NAALADL2: variants seen among roughly 807,000 people sequenced by gnomAD.
The protein encoded by NAALADL2 is inactive N-acetylated-alpha-linked acidic dipeptidase-like protein 2.
Under a neutral mutation model 87.2 loss-of-function variants are expected in NAALADL2, and 76 were observed. The ratio of observed to expected loss-of-function variants is 0.87; its 90% CI spans 0.72 to 1.05. The LOEUF is 1.05. NAALADL2 is among the 50% of genes least tolerant of loss of function. The probability of loss-of-function intolerance (pLI) is 0.00; values close to 1 mark genes in which losing one functional copy is unlikely to be tolerated. For missense variants in NAALADL2, 1,089 were observed against 945.8 expected, an observed-to-expected ratio of 1.15 and a Z score of -1.99; for synonymous variants, 354 against 331.0, an observed-to-expected ratio of 1.07 and a Z score of -0.75.
chr3:175,706,130 T>C (rs142818223), intron 11 of NAALADL2, among the ~76,000 whole-genome samples: 1 of 152,196 alleles, frequency 6.6e-6, no homozygotes, highest in Non-Finnish European at 1.5e-5. Context: ...TGGGAAGAGA[T>C]ACACTACACA....
chr3:174,670,622 TATC>T (rs1285907781), intron 2 of NAALADL2, among the ~76,000 whole-genome samples: 1 of 151,966 alleles, frequency 6.6e-6, no homozygotes, highest in Non-Finnish European at 1.5e-5. Context: ...GATAATGAGT[TATC>T]ATCAAGTCTT....
intron 1 of NAALADL2, among the ~76,000 whole-genome samples, chr3:174,447,563 A>G (rs896700230): frequency 2.0e-5 from 3 of 152,180 alleles, no homozygotes. Flanking sequence ...AACGCCTGTA[A>G]TCCCAGCACT....
chr3:174,688,611 C>G (rs1728267734), intron 2 of NAALADL2, among the ~76,000 whole-genome samples: 1 of 151,854 alleles, frequency 6.6e-6, no homozygotes, highest in Non-Finnish European at 1.5e-5. Context: ...TGAGAAATTG[C>G]AATAAATATT....
intron 5 of NAALADL2, among the ~76,000 whole-genome samples, chr3:175,350,799 TG>T (rs1311601199): frequency 3.9e-5 from 6 of 152,154 alleles, no homozygotes; most frequent in Admixed American, 2.6e-4. Context: ...CAATGGCCTC[TG>T]GGGAAATGTG....
At chr3:175,331,687 T>A (rs1341865159) in intron 5 of NAALADL2, among the ~76,000 whole-genome samples, 2 of 152,136 alleles carry the variant, frequency 1.3e-5, no homozygotes, top group Admixed American at 1.3e-4. Flanking sequence ...TTGTGAGAAC[T>A]GGAAAAAGAC....
chr3:174,974,333 T>C (rs1744081082), intron 1 of NAALADL2, among the ~76,000 whole-genome samples: 1 of 152,206 alleles, frequency 6.6e-6, no homozygotes, highest in African/African-American at 2.4e-5. Context: ...CAATTTTCTT[T>C]TAATTGTTTT....
intron 3 of NAALADL2, among the ~76,000 whole-genome samples, chr3:174,771,461 A>G (rs1034035716): frequency 1.3e-5 from 2 of 152,152 alleles, no homozygotes; most frequent in Non-Finnish European, 2.9e-5. Flanking sequence ...AGGGAGGGTA[A>G]TGTGCTGAGG....
intron 1 of NAALADL2, among the ~76,000 whole-genome samples, chr3:174,878,654 A>G (rs1018852785): frequency 2.6e-5 from 4 of 152,004 alleles, no homozygotes; most frequent in Non-Finnish European, 4.4e-5. Context: ...AGTAAGCTCA[A>G]TATCTGTTCT....
Position 174,974,495 on chromosome 3 carries a change from A to G in NAALADL2, c.43+115045A>G, listed in dbSNP as rs143495406. On this transcript the variant is annotated intron_variant, in intron 1 of 13. Transcript: ENST00000454872. ...TTAAGTAGACATGTTAATACTTTTC[A>G]TGTCAACTAAGGATATTAAATGAGA... Among the ~76,000 whole-genome samples, 525 of 152,290 alleles carry G rather than the reference A, an allele frequency of 3.4e-3. 2 individuals are homozygous for G. Among genetic ancestry groups the G allele is most frequent in the South Asian group, 6.2e-3 (30 of 4,824 alleles).
At chr3:175,103,543 T>A (rs182375879) in intron 2 of NAALADL2, among the ~76,000 whole-genome samples, 8 of 152,062 alleles carry the variant, frequency 5.3e-5, no homozygotes, top group Non-Finnish European at 1.2e-4. Context: ...ATCATAGCAC[T>A]CTTTATCATT....
chr3:175,648,818 A>G (rs940763738), intron 11 of NAALADL2, among the ~76,000 whole-genome samples: 10 of 152,222 alleles, frequency 6.6e-5, no homozygotes, highest in African/African-American at 2.4e-4. Context: ...TCCAAAGATA[A>G]TAAGGTTGAG....
intron 1 of NAALADL2, among the ~76,000 whole-genome samples, chr3:175,042,025 T>C (rs530290380): frequency 6.6e-6 from 1 of 152,272 alleles, no homozygotes; most frequent in South Asian, 2.1e-4. Context: ...GTCCTCAGAA[T>C]TTATTCATCT....
intron 1 of NAALADL2, among the ~76,000 whole-genome samples, chr3:174,885,083 AG>A (rs1729915310): frequency 6.6e-6 from 1 of 152,222 alleles, no homozygotes; most frequent in South Asian, 2.1e-4. Flanking sequence ...CTGGCAAAAA[AG>A]TTTCATCACA....
chr3:175,796,756 T>C (rs766780648), intron 13 of NAALADL2, among the ~76,000 whole-genome samples: 4 of 152,218 alleles, frequency 2.6e-5, no homozygotes, highest in Admixed American at 6.5e-5. Context: ...TGATTTCATT[T>C]AGGAGTTTCT....
Position 175,803,215 on chromosome 3 carries a change from G to C in NAALADL2, c.*12G>C. ...ATGGGAAGAATTGAGAAAACTCTGA[G>C]CATTTTTAAAAGTTTGTTTACAATT... is the stretch of plus-strand genomic sequence containing the variant. On this transcript the variant is annotated 3_prime_UTR_variant, in exon 14 of 14. Coordinates refer to ENST00000454872, the MANE Select transcript of NAALADL2 (RefSeq NM_207015.3). 6.4e-7 allele frequency: 1 copy of C among 1,570,834 alleles called. No individual in the cohort carries two copies.
chr3:174,962,432 T>TATATGTCATAGTGA (rs1742244153), intron 1 of NAALADL2, among the ~76,000 whole-genome samples: 1 of 125,662 alleles, frequency 8.0e-6, no homozygotes, highest in African/African-American at 4.4e-5. Flanking sequence ...TATATATATA[T>TATATGTCATAGTGA]GTATATTTTT....
chr3:175,051,918 C>A (rs147066607), intron 1 of NAALADL2, among the ~76,000 whole-genome samples: 1 of 152,252 alleles, frequency 6.6e-6, no homozygotes, highest in East Asian at 1.9e-4. Context: ...GAGACCAGCT[C>A]GGCTGGGGAG....
intron 2 of NAALADL2, among the ~76,000 whole-genome samples, chr3:174,728,282 C>T (rs1045514015): frequency 3.3e-5 from 5 of 151,700 alleles, no homozygotes; most frequent in African/African-American, 4.8e-5. Flanking sequence ...TGAATTGTCC[C>T]CAAGAAGTCA....
chr3:174,688,686 A>G (rs1728275355), intron 2 of NAALADL2, among the ~76,000 whole-genome samples: 1 of 146,600 alleles, frequency 6.8e-6, no homozygotes, highest in Non-Finnish European at 1.5e-5. Flanking sequence ...ATTCAACTTT[A>G]CAAATTAATT....
Sources: gnomAD v4.1 joint callset for allele counts (sites outside exome capture counted in the v4.1 genomes callset) on GRCh38, gnomAD v4.1.1 for gene constraint, MANE v1.5 for transcripts, NCBI Gene and HGNC (gene_info 2026-07-23, HGNC 2026-07-21) for gene names.